CAPS2: variants seen among roughly 807,000 people sequenced by gnomAD.
The protein encoded by CAPS2 is calcyphosin-2.
In CAPS2, 98 loss-of-function variants were observed where a neutral mutation model predicts 86.5. That is an observed-to-expected ratio of 1.13 (90% confidence interval 0.96 to 1.34). The LOEUF is 1.34. Ranked by LOEUF, CAPS2 falls within the 40% of genes most tolerant of loss-of-function variation. The probability of loss-of-function intolerance (pLI) is 0.00; values close to 1 mark genes in which losing one functional copy is unlikely to be tolerated. For missense variants in CAPS2, 729 were observed against 686.8 expected, an observed-to-expected ratio of 1.06 and a Z score of -0.69; for synonymous variants, 210 against 225.1, an observed-to-expected ratio of 0.93 and a Z score of 0.60.
chr12:75,354,127 T>G (rs765577712), intron 1 of CAPS2, among the ~76,000 whole-genome samples: 5 of 131,920 alleles, frequency 3.8e-5, no homozygotes, highest in Admixed American at 1.7e-4. Context: ...AACATAGTAT[T>G]GGAAGTTCTG....
intron 1 of CAPS2, among the ~76,000 whole-genome samples, chr12:75,364,261 T>G (rs544599887): frequency 6.6e-6 from 1 of 152,328 alleles, no homozygotes; most frequent in African/African-American, 2.4e-5. Flanking sequence ...GAACTAGTTT[T>G]CAGGTTAACT....
chr12:75,314,140 G>A (rs1159616390), intron 6 of CAPS2, among the ~76,000 whole-genome samples: 14 of 152,016 alleles, frequency 9.2e-5, no homozygotes, highest in African/African-American at 3.1e-4. Flanking sequence ...GGCTGGTCTC[G>A]AACTCCTGGT....
At chr12:75,293,531 A>T (rs117469717) in intron 11 of CAPS2, among the ~76,000 whole-genome samples, 164 bp from the exon 12 acceptor site, 194 of 152,364 alleles carry the variant, frequency 1.3e-3, no homozygotes, top group Non-Finnish European at 1.9e-3. Context: ...GAAACTATAT[A>T]GATAAACCAA....
chr12:75,369,622 T>C, intron 1 of CAPS2: 1 of 984,866 alleles, frequency 1.0e-6, no homozygotes, highest in Non-Finnish European at 1.2e-6. Context: ...TACAAAAAAT[T>C]CAACATGAAG....
chr12:75,379,777 C>T (rs1456107138), intron 1 of CAPS2, among the ~76,000 whole-genome samples: 2 of 148,888 alleles, frequency 1.3e-5, no homozygotes, highest in African/African-American at 5.0e-5. Flanking sequence ...TTTTCTACCT[C>T]TTGGGAGAAA....
intron 1 of CAPS2, among the ~76,000 whole-genome samples, chr12:75,346,421 C>T (rs1337418972): frequency 2.0e-5 from 3 of 151,498 alleles, no homozygotes; most frequent in East Asian, 3.9e-4. Context: ...GACGGAGTCT[C>T]GCCCTGTAAC....
rs2038023094 is a variant in CAPS2 at position 75,303,168 on chromosome 12, C to T, written c.779+1589G>A. ...TGTGGTATAATGAAATACTATACAA[C>T]AATGAGAATAAAAAAAGACAACTAC... On this transcript the variant is annotated intron_variant, in intron 8 of 16. Transcript: ENST00000393284. 2.0e-5 allele frequency among the ~76,000 whole-genome samples: 3 copies of T among 151,994 alleles called. No individual in the cohort carries two copies. The South Asian group carries it at 6.2e-4, about 31-fold the overall frequency.
intron 1 of CAPS2, chr12:75,370,130 C>G (rs775934608): frequency 1.2e-6 from 2 of 1,606,390 alleles, no homozygotes; most frequent in South Asian, 1.1e-5. Context: ...CAGCAGACAG[C>G]CTTTAATCCA....
intron 1 of CAPS2, among the ~76,000 whole-genome samples, chr12:75,383,703 A>T (rs1348896191): frequency 1.3e-5 from 2 of 152,210 alleles, no homozygotes; most frequent in African/African-American, 4.8e-5. Flanking sequence ...AGACGTCTAT[A>T]CATTATTCGA....
exon 1 of CAPS2, chr12:75,326,468 T>C (rs2139087604): frequency 1.3e-6 from 2 of 1,545,388 alleles, no homozygotes; most frequent in East Asian, 4.9e-5. Flanking sequence ...CTCCTAGAAG[T>C]GGCAGCAACT....
At chr12:75,361,560 T>A (rs1174815760) in intron 1 of CAPS2, among the ~76,000 whole-genome samples, 4 of 152,172 alleles carry the variant, frequency 2.6e-5, no homozygotes, top group Non-Finnish European at 5.9e-5. Flanking sequence ...TCAGCCTGTT[T>A]TAGCTGAGGA....
chr12:75,348,599 G>C (rs999221863), intron 1 of CAPS2, among the ~76,000 whole-genome samples: 1 of 152,150 alleles, frequency 6.6e-6, no homozygotes, highest in South Asian at 2.1e-4. Flanking sequence ...AATAATAGGG[G>C]ATGAAGGCTC....
intron 1 of CAPS2, among the ~76,000 whole-genome samples, chr12:75,358,463 T>C (rs868123414): frequency 2.6e-5 from 4 of 151,354 alleles, no homozygotes; most frequent in African/African-American, 4.8e-5. Context: ...ATAAGAATTA[T>C]ATGATTATCT....
At chr12:75,360,497 G>A (rs2043501106) in intron 1 of CAPS2, 1 of 152,128 alleles carries the variant, frequency 6.6e-6, no homozygotes, top group South Asian at 2.1e-4. Context: ...CCCTGCACAA[G>A]TCCAAAATCC....
At chr12:75,288,711 T>C (rs1337888638) in intron 14 of CAPS2, among the ~76,000 whole-genome samples, 2 of 152,206 alleles carry the variant, frequency 1.3e-5, no homozygotes, top group Non-Finnish European at 2.9e-5. Flanking sequence ...TTTCCTTCCT[T>C]CCATAAATTT....
intron 13 of CAPS2, 21 bp from the exon 14 acceptor site, chr12:75,289,796 T>C (rs775857438): frequency 6.3e-6 from 10 of 1,584,624 alleles, no homozygotes; most frequent in Non-Finnish European, 8.6e-6. Context: ...AGAAGAGAGA[T>C]GAAAACAAAT....
chr12:75,290,983 A>C (rs372814202), intron 13 of CAPS2, among the ~76,000 whole-genome samples: 115 of 152,082 alleles, frequency 7.6e-4, no homozygotes, highest in Middle Eastern at 3.4e-3. Context: ...TGCTTATTCA[A>C]TATCTTTCTC....
At chr12:75,358,102 T>C (rs1300845578) in intron 1 of CAPS2, among the ~76,000 whole-genome samples, 1 of 151,176 alleles carries the variant, frequency 6.6e-6, no homozygotes, top group Non-Finnish European at 1.5e-5. Context: ...CTGCAAACCA[T>C]ACTGATCAAA....
intron 1 of CAPS2, among the ~76,000 whole-genome samples, chr12:75,358,843 AAT>A (rs2043342422): frequency 6.9e-6 from 1 of 144,304 alleles, no homozygotes; most frequent in Non-Finnish European, 1.5e-5. Flanking sequence ...AACAATATAT[AAT>A]ATATTATATA....
Sources: allele counts gnomAD v4.1 joint callset (sites outside exome capture counted in the v4.1 genomes callset), GRCh38; gene constraint gnomAD v4.1.1; transcripts MANE v1.5; gene names NCBI Gene and HGNC (gene_info 2026-07-23, HGNC 2026-07-21).